The following UBE2Q2 variants were observed in gnomAD, a reference collection of about 807,000 sequenced individuals.
UBE2Q2 encodes the protein ubiquitin conjugating enzyme E2 Q2.
Under a neutral mutation model 59.9 loss-of-function variants are expected in UBE2Q2, and 54 were observed. The ratio of observed to expected loss-of-function variants is 0.90; its 90% CI spans 0.72 to 1.13. UBE2Q2 has a LOEUF of 1.13. Among genes scored for constraint, UBE2Q2 ranks in the 50% most tolerant of loss-of-function variants. The probability of loss-of-function intolerance (pLI) is 0.00; values close to 1 mark genes in which losing one functional copy is unlikely to be tolerated. For missense variants in UBE2Q2, 433 were observed against 441.9 expected, an observed-to-expected ratio of 0.98 and a Z score of 0.18; for synonymous variants, 165 against 155.2, an observed-to-expected ratio of 1.06 and a Z score of -0.47.
At chr15:75,866,391 C>T (rs1897481844) in intron 3 of UBE2Q2, among the ~76,000 whole-genome samples, 1 of 152,100 alleles carries the variant, frequency 6.6e-6, no homozygotes, top group African/African-American at 2.4e-5. Context: ...GTTGCCCAAG[C>T]TGGTCTCAAA....
chr15:75,883,452 A>G (rs1898560989), intron 9 of UBE2Q2, 28 bp downstream of exon 9: 23 of 1,591,216 alleles, frequency 1.4e-5, no homozygotes, highest in Non-Finnish European at 1.9e-5. Flanking sequence ...CTTAAAAAGA[A>G]ATTTTTTTCA....
At chr15:75,875,921 C>G (rs1479195162) in intron 5 of UBE2Q2, among the ~76,000 whole-genome samples, 2 of 151,766 alleles carry the variant, frequency 1.3e-5, no homozygotes, top group Non-Finnish European at 2.9e-5. Context: ...CAAAATTTAG[C>G]TGGGCGTGGT....
chr15:75,889,770 A>G (rs1029446665), intron 9 of UBE2Q2, among the ~76,000 whole-genome samples: 1 of 152,244 alleles, frequency 6.6e-6, no homozygotes, highest in Non-Finnish European at 1.5e-5. Context: ...TTAAAATAAC[A>G]TTGAAGGAGA....
intron 4 of UBE2Q2, 96 bp downstream of exon 4, chr15:75,869,106 G>C (rs1897655582): frequency 4.0e-6 from 4 of 1,011,786 alleles, no homozygotes; most frequent in Non-Finnish European, 4.4e-6. Context: ...TATTAATGTG[G>C]AATAATTGAA....
chr15:75,897,116 T>C, intron 12 of UBE2Q2, 55 bp downstream of exon 12: 1 of 1,016,988 alleles, frequency 9.8e-7, no homozygotes, highest in Non-Finnish European at 1.4e-6. Flanking sequence ...AGATAATGTA[T>C]TAATACTTAC....
At chr15:75,898,454 CTA>C (rs1248190475) in intron 12 of UBE2Q2, among the ~76,000 whole-genome samples, 2 of 152,044 alleles carry the variant, frequency 1.3e-5, no homozygotes, top group Non-Finnish European at 2.9e-5. Flanking sequence ...TGTGGAATGA[CTA>C]AATCTAGCTA....
intron 4 of UBE2Q2, among the ~76,000 whole-genome samples, chr15:75,870,672 T>G (rs1163796024): frequency 1.3e-5 from 2 of 152,188 alleles, no homozygotes; most frequent in Non-Finnish European, 2.9e-5. Context: ...TCTAGGCTCC[T>G]AAAATAATAT....
At position 75,865,159 on chromosome 15, in the gene UBE2Q2, C is replaced by T. The variant is rs148446417; in HGVS notation, c.388-3792C>T. Among the ~76,000 whole-genome samples, 4 of 152,394 alleles carry T rather than the reference C, an allele frequency of 2.6e-5. No individual in the cohort carries two copies. The East Asian group carries it at 5.8e-4, about 22-fold the overall frequency. Reference sequence around the variant, plus strand: ...TCGCACTACAGAAACCTTCTGCAGGCTTCTTCCTGATCACTGTTCCTCTGT... The same window carrying T: ...TCGCACTACAGAAACCTTCTGCAGGTTTCTTCCTGATCACTGTTCCTCTGT... On this transcript the variant is annotated intron_variant, in intron 3 of 12. Transcript: ENST00000267938.
intron 1 of UBE2Q2, chr15:75,844,131 C>G: frequency 7.1e-7 from 1 of 1,413,414 alleles, no homozygotes; most frequent in East Asian, 2.6e-5. Context: ...GGGGAGTCCG[C>G]GGCGGCCCAA....
At chr15:75,864,345 A>C (rs756417384) in intron 3 of UBE2Q2, among the ~76,000 whole-genome samples, 5 of 151,944 alleles carry the variant, frequency 3.3e-5, no homozygotes, top group Non-Finnish European at 7.4e-5. Context: ...ATCTGGAGCC[A>C]TTTCTGGTTT....
Position 75,871,303 on chromosome 15 carries a change from C to T in UBE2Q2, c.448-2125C>T, listed in dbSNP as rs569101102. 2.0e-5 allele frequency among the ~76,000 whole-genome samples: 3 copies of T among 152,340 alleles called. No individual in the cohort carries two copies. In the South Asian group the frequency reaches 6.2e-4, roughly 32 times the overall value. ...AATCGGGTTTTATACCGAGACATTC[C>T]ATTGCCCAGGGACGGGCAGGAGGCA... On this transcript the variant is annotated intron_variant, in intron 4 of 12. Coordinates refer to ENST00000267938, the MANE Select transcript of UBE2Q2 (RefSeq NM_173469.4).
At chr15:75,871,586 A>T (rs1392840252) in intron 4 of UBE2Q2, among the ~76,000 whole-genome samples, 1 of 152,238 alleles carries the variant, frequency 6.6e-6, no homozygotes, top group Non-Finnish European at 1.5e-5. Context: ...CTTAAGGAGC[A>T]TGCTGCCTTC....
chr15:75,891,873 A>G (rs1200949437), intron 11 of UBE2Q2, among the ~76,000 whole-genome samples: 1 of 152,212 alleles, frequency 6.6e-6, no homozygotes, highest in Non-Finnish European at 1.5e-5. Flanking sequence ...GCTTCCATTC[A>G]CTATGGAGGG....
In UBE2Q2 at chr15:75,857,092, T is replaced by TTC. The variant is rs1417960112; in HGVS notation, c.282+2617_282+2618dup. Among the ~76,000 whole-genome samples the TTC allele has an allele frequency of 3.3e-5, 5 of 151,960 alleles. 1 individual carries two copies. Among genetic ancestry groups the TTC allele is most frequent in the South Asian group, 4.2e-4 (2 of 4,812 alleles). Reference sequence around the variant, plus strand: ...CTTTGGCAACATAGCAAGACCCTCTTTCTCTCTCTCTCTGTACACACACAT... The same window carrying TTC: ...CTTTGGCAACATAGCAAGACCCTCTTTCTCTCTCTCTCTCTGTACACACACAT... On this transcript the variant is annotated intron_variant, in intron 2 of 12. Transcript: ENST00000267938.
In UBE2Q2 at chr15:75,889,038, G is replaced by A. The variant is rs1898949240; in HGVS notation, c.885-1397G>A. ...ACCGATTATTAAGCTTTCAGCAATT[G>A]TGGAACCAAAATCTAAATGAGTACC... On this transcript the variant is annotated intron_variant, in intron 9 of 12. Transcript: ENST00000267938. Among the ~76,000 whole-genome samples, 3 of 152,178 alleles carry A rather than the reference G, an allele frequency of 2.0e-5. No individual in the cohort carries two copies. The South Asian group carries it at 6.2e-4, about 32-fold the overall frequency.
intron 1 of UBE2Q2, among the ~76,000 whole-genome samples, chr15:75,851,032 A>G (rs1448339254): frequency 1.3e-5 from 2 of 151,928 alleles, no homozygotes; most frequent in Non-Finnish European, 2.9e-5. Flanking sequence ...GTTGTATGCT[A>G]TTTGCTTGAA....
At chr15:75,871,530 A>C (rs1206639541) in intron 4 of UBE2Q2, among the ~76,000 whole-genome samples, 2 of 152,228 alleles carry the variant, frequency 1.3e-5, no homozygotes, top group African/African-American at 4.8e-5. Context: ...GGCCTTCCGC[A>C]GTGTTTGTGT....
intron 11 of UBE2Q2, among the ~76,000 whole-genome samples, chr15:75,892,707 C>G (rs1396858326): frequency 1.3e-5 from 2 of 151,792 alleles, no homozygotes; most frequent in Non-Finnish European, 2.9e-5. Flanking sequence ...AAAAAATACG[C>G]CCCCCACCCT....
chr15:75,849,175 CTT>C (rs1896508477), intron 1 of UBE2Q2, among the ~76,000 whole-genome samples: 1 of 152,114 alleles, frequency 6.6e-6, no homozygotes, highest in African/African-American at 2.4e-5. Flanking sequence ...TTTTAAGTAT[CTT>C]TTGTTGTCAG....
Sources: allele counts gnomAD v4.1 joint callset (sites outside exome capture counted in the v4.1 genomes callset), GRCh38; gene constraint gnomAD v4.1.1; transcripts MANE v1.5; gene names NCBI Gene and HGNC (gene_info 2026-07-23, HGNC 2026-07-21).